CYTH3: variants seen among roughly 807,000 people sequenced by gnomAD.
The protein encoded by CYTH3 is cytohesin 3, also known as cytohesin-3.
CYTH3 carries 23 observed loss-of-function variants against 55.1 expected under a neutral mutation model. The observed-to-expected ratio is 0.42, with a 90% CI of 0.30 to 0.59. CYTH3 has a LOEUF of 0.59. Ranked by LOEUF, CYTH3 falls within the 20% of genes least tolerant of loss-of-function variation. CYTH3 has a pLI of 0.20. For synonymous variants in CYTH3, 249 were observed against 194.9 expected (o/e 1.28, Z -2.31); for missense variants, 413 against 524.8 (o/e 0.79, Z 2.08).
At chr7:6,200,347 A>G (rs961844420) in intron 1 of CYTH3, among the ~76,000 whole-genome samples, 4 of 152,184 alleles carry the variant, frequency 2.6e-5, no homozygotes, top group Non-Finnish European at 5.9e-5. Context: ...TCGCAGTCCT[A>G]TGACTTCTCC....
intron 4 of CYTH3, among the ~76,000 whole-genome samples, chr7:6,185,178 T>C (rs555253044): frequency 3.3e-5 from 5 of 152,324 alleles, no homozygotes; most frequent in African/African-American, 4.8e-5. Context: ...TTGGAGATGA[T>C]TTATGCCCCA....
intron 1 of CYTH3, among the ~76,000 whole-genome samples, chr7:6,270,335 A>C (rs553147683): frequency 9.8e-5 from 15 of 152,322 alleles, no homozygotes; most frequent in Middle Eastern, 3.4e-3. Context: ...TAAATCAATA[A>C]AGGTTAAAAG....
chr7:6,226,025 T>G (rs902849081), intron 1 of CYTH3, among the ~76,000 whole-genome samples: 2 of 152,156 alleles, frequency 1.3e-5, no homozygotes, highest in African/African-American at 4.8e-5. Flanking sequence ...TTTTTGTCTT[T>G]AAACAAAGAG....
Position 6,171,464 on chromosome 7 carries a change from G to T in CYTH3, c.450-150C>A, listed in dbSNP as rs1783191874. The T allele has an allele frequency of 1.6e-6, 1 of 644,554 alleles. No individual in the cohort carries two copies. Among genetic ancestry groups the T allele is most frequent in the East Asian group, 2.7e-5 (1 of 36,420 alleles). The allele number at this position is 644,554 out of a possible 1,614,324, so 39.9% of individuals were successfully genotyped here. ...GGCTTGGGGGCGCAGAGACAGAAAG[G>T]AGAAGACCCAGGACAGTCTCCTTCC... On this transcript the variant is annotated intron_variant, in intron 6 of 12. Coordinates refer to ENST00000350796, the MANE Select transcript of CYTH3 (RefSeq NM_004227.4). The surrounding 1 kb of genome is among the most constrained non-coding windows in gnomAD (Gnocchi z 6.7).
intron 1 of CYTH3, among the ~76,000 whole-genome samples, chr7:6,244,891 C>T (rs1307323257): frequency 1.3e-5 from 2 of 150,052 alleles, no homozygotes; most frequent in African/African-American, 4.9e-5. Flanking sequence ...CGGGTTCACG[C>T]CATTCTCCTG....
chr7:6,201,739 T>C (rs1297379667), intron 1 of CYTH3, among the ~76,000 whole-genome samples: 3 of 152,064 alleles, frequency 2.0e-5, no homozygotes, highest in African/African-American at 7.2e-5. Context: ...TGCTCTCAAG[T>C]TCTTAGGGTT....
At chr7:6,175,612 A>C (rs1197038309) in intron 5 of CYTH3, among the ~76,000 whole-genome samples, 1 of 132,650 alleles carries the variant, frequency 7.5e-6, no homozygotes, top group Non-Finnish European at 1.5e-5. Flanking sequence ...CAATAACATG[A>C]TTTTGACAAA....
intron 1 of CYTH3, among the ~76,000 whole-genome samples, chr7:6,215,448 G>A (rs1294607370): frequency 6.6e-6 from 1 of 152,018 alleles, no homozygotes; most frequent in African/African-American, 2.4e-5. Flanking sequence ...AAATTAGCCG[G>A]GTGTGGTGGT....
chr7:6,248,072 G>C (rs561505346), intron 1 of CYTH3, among the ~76,000 whole-genome samples: 6 of 152,036 alleles, frequency 3.9e-5, no homozygotes, highest in African/African-American at 9.6e-5. Flanking sequence ...ACAGCACAAA[G>C]TAGATTCAAT....
chr7:6,209,804 A>C (rs914027382), intron 1 of CYTH3, among the ~76,000 whole-genome samples: 1 of 152,372 alleles, frequency 6.6e-6, no homozygotes, highest in South Asian at 2.1e-4. Flanking sequence ...TCAAGCCTTG[A>C]AAAGACATAA....
In CYTH3 at chr7:6,162,555, C is replaced by G. The variant is rs1185676961; in HGVS notation, c.*2389G>C. 6.6e-6 allele frequency: 1 copy of G among 152,242 alleles called. No homozygotes were observed. Among genetic ancestry groups the G allele is most frequent in the Admixed American group, 6.5e-5 (1 of 15,286 alleles). 9.4% of individuals were successfully genotyped at this position (152,242 alleles called of 1,614,324 possible). A position where few individuals can be genotyped will look rare whatever the true frequency, so the allele number is the denominator to read the frequency against. On this transcript the variant is annotated 3_prime_UTR_variant, in exon 13 of 13. Coordinates refer to ENST00000350796, the MANE Select transcript of CYTH3 (RefSeq NM_004227.4). ...GTCACTGACCCAGAGTTTTCTGGACCAGGCCTGCCTCAAGGATCAGCAGGC... is the reference window on the plus strand; with the variant it reads ...GTCACTGACCCAGAGTTTTCTGGACGAGGCCTGCCTCAAGGATCAGCAGGC...
At chr7:6,261,985 T>TA (rs1780364646) in intron 1 of CYTH3, among the ~76,000 whole-genome samples, 1 of 151,640 alleles carries the variant, frequency 6.6e-6, no homozygotes, top group South Asian at 2.1e-4. Context: ...GTTGACAAGA[T>TA]AAAAAATGCC....
At chr7:6,238,659 C>T (rs1389030453) in intron 1 of CYTH3, among the ~76,000 whole-genome samples, 1 of 152,108 alleles carries the variant, frequency 6.6e-6, no homozygotes, top group Non-Finnish European at 1.5e-5. Context: ...ATAGAATGTA[C>T]CATAACCAAA....
intron 1 of CYTH3, among the ~76,000 whole-genome samples, chr7:6,229,021 T>C (rs760663420): frequency 1.3e-5 from 2 of 152,104 alleles, no homozygotes; most frequent in African/African-American, 2.4e-5. Context: ...TGTGTAGACA[T>C]ATGAAGATAA....
chr7:6,237,635 G>C (rs1042097850), intron 1 of CYTH3, among the ~76,000 whole-genome samples: 1 of 152,050 alleles, frequency 6.6e-6, no homozygotes, highest in Non-Finnish European at 1.5e-5. Flanking sequence ...TTGAACCCGG[G>C]GGGCAGAAGG....
intron 1 of CYTH3, among the ~76,000 whole-genome samples, chr7:6,215,278 C>A (rs929505200): frequency 6.6e-6 from 1 of 152,132 alleles, no homozygotes; most frequent in African/African-American, 2.4e-5. Context: ...CCAAAACGTA[C>A]AGATAATTTC....
chr7:6,257,212 T>C (rs6463540), intron 1 of CYTH3, among the ~76,000 whole-genome samples: 35,783 of 152,104 alleles, frequency 0.24, 8,400 homozygotes, highest in African/African-American at 0.61. Flanking sequence ...ATCACTCATC[T>C]TCCCACGCCT....
At chr7:6,183,566 G>A (rs973814397) in intron 4 of CYTH3, among the ~76,000 whole-genome samples, 15 of 152,154 alleles carry the variant, frequency 9.9e-5, no homozygotes, top group Non-Finnish European at 1.9e-4. Context: ...TCATCACTCT[G>A]AGACTTAGAA....
chr7:6,234,604 C>G (rs570700803), intron 1 of CYTH3, among the ~76,000 whole-genome samples: 1 of 152,326 alleles, frequency 6.6e-6, no homozygotes, highest in Admixed American at 6.5e-5. Flanking sequence ...ACATCCCACA[C>G]CTGTGACTGG....
Sources: allele counts gnomAD v4.1 joint callset (sites outside exome capture counted in the v4.1 genomes callset), GRCh38; gene constraint gnomAD v4.1.1; non-coding constraint Gnocchi (gnomAD v3.1); transcripts MANE v1.5; gene names NCBI Gene and HGNC (gene_info 2026-07-23, HGNC 2026-07-21).